GPC5: variants seen among roughly 807,000 people sequenced by gnomAD.
The protein encoded by GPC5 is glypican-5.
GPC5 carries 47 observed loss-of-function variants against 53.9 expected under a neutral mutation model. The ratio of observed to expected loss-of-function variants is 0.87; its 90% CI spans 0.69 to 1.11. The LOEUF is 1.11. Ranked by LOEUF, GPC5 falls within the 50% of genes most tolerant of loss-of-function variation. The pLI is 0.00. For missense variants in GPC5, 748 were observed against 713.1 expected, an observed-to-expected ratio of 1.05 and a Z score of -0.56; for synonymous variants, 286 against 263.3, an observed-to-expected ratio of 1.09 and a Z score of -0.84.
chr13:92,792,395 TC>T (rs1876496900), intron 7 of GPC5, among the ~76,000 whole-genome samples: 1 of 152,002 alleles, frequency 6.6e-6, no homozygotes, highest in Non-Finnish European at 1.5e-5. Flanking sequence ...TTACAAGAGC[TC>T]CTGAAGGAAG....
intron 5 of GPC5, among the ~76,000 whole-genome samples, chr13:91,896,297 T>C (rs936855512): frequency 5.3e-5 from 8 of 151,918 alleles, no homozygotes; most frequent in African/African-American, 1.5e-4. Flanking sequence ...CTTTTTGTAT[T>C]TTTAGTAGAA....
chr13:92,479,781 G>T (rs1421413884), intron 7 of GPC5, among the ~76,000 whole-genome samples: 1 of 152,184 alleles, frequency 6.6e-6, no homozygotes, highest in Admixed American at 6.5e-5. Flanking sequence ...GATAGGAATT[G>T]AGCTGTTTTA....
At chr13:92,797,316 T>C (rs1364647801) in intron 7 of GPC5, among the ~76,000 whole-genome samples, 2 of 151,936 alleles carry the variant, frequency 1.3e-5, no homozygotes, top group African/African-American at 4.8e-5. Flanking sequence ...GATCACTTAA[T>C]ATATGAATTT....
chr13:91,436,398 G>T (rs868104828), intron 1 of GPC5, among the ~76,000 whole-genome samples: 3 of 151,296 alleles, frequency 2.0e-5, no homozygotes, highest in African/African-American at 7.3e-5. Context: ...CTTTGTTCTC[G>T]TTGGTTTCAA....
rs67993272 is a variant in GPC5 at position 92,156,553 on chromosome 13, A to G, written c.1561+11564A>G. 7.1e-3 allele frequency among the ~76,000 whole-genome samples: 1,087 copies of G among 152,242 alleles called. 24 individuals carry two copies. The highest frequency in any genetic ancestry group is 0.025 in the African/African-American group (1,039 of 41,542). The stretch of plus-strand genomic sequence containing the variant: ...CTGCTTTGAGGTTAATGAGGATGAC[A>G]TTTTGACTGAGTTTTGTTTTATTTA... On this transcript the variant is annotated intron_variant, in intron 7 of 7. Transcript: ENST00000377067.
chr13:91,967,762 G>A (rs980788043), intron 6 of GPC5, among the ~76,000 whole-genome samples: 1 of 151,944 alleles, frequency 6.6e-6, no homozygotes, highest in Non-Finnish European at 1.5e-5. Context: ...TAAAGAGGAT[G>A]CTTTTTAAAA....
intron 5 of GPC5, among the ~76,000 whole-genome samples, chr13:91,899,724 G>T (rs2039477924): frequency 6.6e-6 from 1 of 152,126 alleles, no homozygotes; most frequent in Non-Finnish European, 1.5e-5. Context: ...GACACACACG[G>T]AGAAGGTCAT....
intron 7 of GPC5, among the ~76,000 whole-genome samples, chr13:92,476,713 C>A (rs1324656391): frequency 2.0e-5 from 3 of 148,616 alleles, no homozygotes; most frequent in Non-Finnish European, 3.0e-5. Context: ...ACTATGCAGC[C>A]ATAAAAAATG....
At chr13:92,254,256 T>A (rs1384476960) in intron 7 of GPC5, among the ~76,000 whole-genome samples, 1 of 152,170 alleles carries the variant, frequency 6.6e-6, no homozygotes, top group Non-Finnish European at 1.5e-5. Flanking sequence ...AGTTTAAGAA[T>A]TTGTAAGTGC....
chr13:91,464,726 G>A (rs1882130665), intron 2 of GPC5, among the ~76,000 whole-genome samples: 1 of 152,102 alleles, frequency 6.6e-6, no homozygotes, highest in African/African-American at 2.4e-5. Flanking sequence ...GTATGAGGGA[G>A]CTTTGTGGCA....
At chr13:91,463,792 A>C (rs1181869604) in intron 2 of GPC5, among the ~76,000 whole-genome samples, 1 of 152,138 alleles carries the variant, frequency 6.6e-6, no homozygotes, top group Non-Finnish European at 1.5e-5. Context: ...CATATAGTTT[A>C]TGTAAAACTG....
intron 5 of GPC5, among the ~76,000 whole-genome samples, chr13:91,877,999 G>T (rs1037221155): frequency 1.2e-4 from 19 of 152,088 alleles, no homozygotes; most frequent in African/African-American, 4.6e-4. Flanking sequence ...TTTTTCTCTT[G>T]CCATTGCCAT....
intron 7 of GPC5, among the ~76,000 whole-genome samples, chr13:92,277,659 C>A (rs2042885451): frequency 6.6e-6 from 1 of 151,710 alleles, no homozygotes; most frequent in African/African-American, 2.4e-5. Flanking sequence ...TTGCTGTTGG[C>A]CCCTGTAAAA....
At chr13:92,121,346 A>G (rs1382821597) in intron 6 of GPC5, among the ~76,000 whole-genome samples, 1 of 152,180 alleles carries the variant, frequency 6.6e-6, no homozygotes, top group East Asian at 1.9e-4. Context: ...ATTTATGATG[A>G]TGCTGTAACT....
intron 5 of GPC5, among the ~76,000 whole-genome samples, chr13:91,904,374 C>T (rs1233751092): frequency 6.6e-6 from 1 of 151,608 alleles, no homozygotes; most frequent in Non-Finnish European, 1.5e-5. Flanking sequence ...TCACACATGC[C>T]TTCTTAATTA....
chr13:92,785,796 C>T (rs946935557), intron 7 of GPC5, among the ~76,000 whole-genome samples: 2 of 152,178 alleles, frequency 1.3e-5, no homozygotes, highest in Admixed American at 6.5e-5. Context: ...TTGGACAGCA[C>T]TTCTCTGTGC....
intron 1 of GPC5, among the ~76,000 whole-genome samples, chr13:91,414,732 C>T (rs892990876): frequency 6.6e-5 from 10 of 152,128 alleles, no homozygotes; most frequent in South Asian, 2.1e-4. Context: ...ACTGCTATAA[C>T]GCTTCCACCA....
At chr13:91,721,486 G>C (rs552627484) in intron 3 of GPC5, among the ~76,000 whole-genome samples, 1 of 152,136 alleles carries the variant, frequency 6.6e-6, no homozygotes, top group Non-Finnish European at 1.5e-5. Flanking sequence ...ATGACAGCCA[G>C]TGTGATATTT....
chr13:92,659,022 G>A (rs1180980742), intron 7 of GPC5: 2 of 131,568 alleles, frequency 1.5e-5, no homozygotes, highest in African/African-American at 2.8e-5. Flanking sequence ...TCCGCCTCCC[G>A]GGTTCACGCC....
Sources: allele counts gnomAD v4.1 joint callset (sites outside exome capture counted in the v4.1 genomes callset), GRCh38; gene constraint gnomAD v4.1.1; transcripts MANE v1.5; gene names NCBI Gene and HGNC (gene_info 2026-07-23, HGNC 2026-07-21).